Variants in ZBTB20 observed in about 807,000 individuals in gnomAD.
ZBTB20 encodes zinc finger and BTB domain containing 20.
Under a neutral mutation model 56.9 loss-of-function variants are expected in ZBTB20, and 9 were observed. The observed-to-expected ratio is 0.16, with a 90% CI of 0.10 to 0.28. ZBTB20 has a LOEUF of 0.28. Ranked by LOEUF, ZBTB20 falls within the 10% of genes least tolerant of loss-of-function variation. The probability of loss-of-function intolerance (pLI) is 1.00; values close to 1 mark genes in which losing one functional copy is unlikely to be tolerated. For synonymous variants in ZBTB20, 417 were observed against 420.7 expected (o/e 0.99, Z 0.11); for missense variants, 655 against 1,003.0 (o/e 0.65, Z 4.69).
At chr3:114,648,310 G>C (rs1212643242) in intron 6 of ZBTB20, among the ~76,000 whole-genome samples, 1 of 151,870 alleles carries the variant, frequency 6.6e-6, no homozygotes, top group African/African-American at 2.4e-5. Flanking sequence ...AGTGCTTACT[G>C]TGTAATACAT....
At chr3:114,973,378 C>T (rs2077968089) in intron 3 of ZBTB20, among the ~76,000 whole-genome samples, 1 of 152,144 alleles carries the variant, frequency 6.6e-6, no homozygotes, top group African/African-American at 2.4e-5. Flanking sequence ...ACCCTGTTGA[C>T]ATACAGGAGC....
intron 11 of ZBTB20, among the ~76,000 whole-genome samples, chr3:114,344,097 G>A (rs1050097916): frequency 5.9e-5 from 9 of 152,232 alleles, no homozygotes; most frequent in African/African-American, 2.2e-4. Flanking sequence ...CGGTGTGATT[G>A]CCTGCCAGCC....
chr3:114,750,581 A>C (rs1032553144), intron 5 of ZBTB20, among the ~76,000 whole-genome samples: 2 of 152,190 alleles, frequency 1.3e-5, no homozygotes, highest in African/African-American at 4.8e-5. Context: ...GAAAATATAA[A>C]GCCAAATATG....
rs544499494 is a variant in ZBTB20 at position 114,488,093 on chromosome 3, A to T, written c.-255+12259T>A. On this transcript the variant is annotated intron_variant, in intron 7 of 11. Coordinates refer to ENST00000675478, the MANE Select transcript of ZBTB20 (RefSeq NM_001348800.3). The stretch of plus-strand genomic sequence containing the variant: ...TGAGGGCTGGTGATGCCAAATAAAC[A>T]TAAATGTATGTAACCAGGTGAATAC... Among the ~76,000 whole-genome samples the T allele has an allele frequency of 1.7e-4, 26 of 152,326 alleles. No homozygotes were observed. In the South Asian group the frequency reaches 5.4e-3, roughly 32 times the overall value.
At chr3:114,724,257 A>T (rs1329548338) in intron 5 of ZBTB20, among the ~76,000 whole-genome samples, 3 of 152,198 alleles carry the variant, frequency 2.0e-5, no homozygotes, top group African/African-American at 2.4e-5. Context: ...TGGGGCTTCC[A>T]TTGTTCTCTC....
intron 6 of ZBTB20, among the ~76,000 whole-genome samples, chr3:114,601,723 G>A (rs2056771988): frequency 6.6e-6 from 1 of 151,910 alleles, no homozygotes; most frequent in South Asian, 2.1e-4. Context: ...AAGGATACTT[G>A]GGATTTCAAA....
chr3:114,975,341 T>C (rs56150318), intron 2 of ZBTB20, among the ~76,000 whole-genome samples: 14,070 of 152,180 alleles, frequency 0.092, 1,913 homozygotes, highest in African/African-American at 0.3. Flanking sequence ...ATTTAGGCAT[T>C]CAAAGTTTCA....
intron 6 of ZBTB20, among the ~76,000 whole-genome samples, chr3:114,646,972 T>A (rs1003656659): frequency 1.7e-4 from 26 of 152,166 alleles, no homozygotes; most frequent in South Asian, 6.2e-4. Flanking sequence ...TTATTTATTT[T>A]TTTTTAGACA....
chr3:114,993,327 CT>C (rs1215668872), intron 2 of ZBTB20, among the ~76,000 whole-genome samples: 2 of 151,710 alleles, frequency 1.3e-5, no homozygotes, highest in East Asian at 3.9e-4. Flanking sequence ...GAGCAGAACC[CT>C]GAACAAAGTA....
chr3:114,636,583 T>C (rs59820145), intron 6 of ZBTB20, among the ~76,000 whole-genome samples: 1 of 152,224 alleles, frequency 6.6e-6, no homozygotes, highest in East Asian at 1.9e-4. Context: ...TGTGATCAAA[T>C]TTAAGTTGCT....
chr3:114,872,020 C>T (rs622058), intron 4 of ZBTB20, among the ~76,000 whole-genome samples: 131,735 of 152,016 alleles, frequency 0.87, 58,108 homozygotes, highest in East Asian at 0.99. Context: ...TTTCACTTCC[C>T]GCCAGGAAAA....
chr3:115,058,784 C>G (rs1347158244), intron 2 of ZBTB20, among the ~76,000 whole-genome samples: 2 of 152,146 alleles, frequency 1.3e-5, no homozygotes, highest in African/African-American at 4.8e-5. Flanking sequence ...TCCCCACCTC[C>G]TTTTTAGGAC....
At chr3:114,833,921 A>G (rs964551720) in intron 4 of ZBTB20, among the ~76,000 whole-genome samples, 8 of 152,110 alleles carry the variant, frequency 5.3e-5, no homozygotes, top group African/African-American at 1.9e-4. Context: ...TACAAGTTCA[A>G]CAAGTAGTAA....
intron 6 of ZBTB20, among the ~76,000 whole-genome samples, chr3:114,503,482 C>T (rs1577140542): frequency 6.6e-6 from 1 of 152,292 alleles, no homozygotes; most frequent in East Asian, 1.9e-4. Context: ...TTTATATTTG[C>T]TCAATTCAAA....
intron 6 of ZBTB20, among the ~76,000 whole-genome samples, chr3:114,631,524 C>G (rs2058948848): frequency 6.8e-6 from 1 of 147,092 alleles, no homozygotes; most frequent in Non-Finnish European, 1.5e-5. Flanking sequence ...TCTTGAGTAG[C>G]TGGGATTACA....
chr3:114,500,503 G>A (rs940431488), intron 6 of ZBTB20, 112 bp from the exon 7 acceptor site: 3 of 152,204 alleles, frequency 2.0e-5, no homozygotes, highest in African/African-American at 7.2e-5. Flanking sequence ...TCTAGGCATA[G>A]ATGGGACTGG....
At chr3:114,883,267 T>G (rs2076465216) in intron 4 of ZBTB20, among the ~76,000 whole-genome samples, 1 of 152,164 alleles carries the variant, frequency 6.6e-6, no homozygotes, top group Admixed American at 6.5e-5. Context: ...AAACAATAAA[T>G]GTACTGAAAA....
intron 7 of ZBTB20, among the ~76,000 whole-genome samples, chr3:114,437,951 T>G (rs2090626704): frequency 6.6e-6 from 1 of 152,162 alleles, no homozygotes; most frequent in Admixed American, 6.5e-5. Flanking sequence ...GGCCTTACAA[T>G]TCTGTAATTC....
chr3:114,631,634 G>A (rs572186637), intron 6 of ZBTB20, among the ~76,000 whole-genome samples: 9 of 151,830 alleles, frequency 5.9e-5, no homozygotes, highest in South Asian at 2.1e-4. Context: ...CTCGTGATCC[G>A]CCTGCCTCGG....
Sources: allele counts gnomAD v4.1 joint callset (sites outside exome capture counted in the v4.1 genomes callset), GRCh38; gene constraint gnomAD v4.1.1; transcripts MANE v1.5; gene names NCBI Gene and HGNC (gene_info 2026-07-23, HGNC 2026-07-21).